Variants in FMO2 observed in about 807,000 individuals in gnomAD.
FMO2 encodes flavin containing dimethylaniline monoxygenase 2.
Under a neutral mutation model 41.6 loss-of-function variants are expected in FMO2, and 33 were observed. The observed-to-expected ratio is 0.79, with a 90% CI of 0.60 to 1.06. The LOEUF (loss-of-function observed/expected upper bound fraction) is 1.06. Ranked by LOEUF, FMO2 falls within the 50% of genes least tolerant of loss-of-function variation. The probability of loss-of-function intolerance (pLI) is 0.00; values close to 1 mark genes in which losing one functional copy is unlikely to be tolerated. For missense variants in FMO2, 619 were observed against 632.9 expected (o/e 0.98, Z 0.23); for synonymous variants, 214 against 219.6 (o/e 0.97, Z 0.23).
chr1:171,208,716 T>A (rs1298663743), intron 8 of FMO2, 78 bp from the exon 9 acceptor site: 1 of 1,323,942 alleles, frequency 7.6e-7, no homozygotes, highest in Non-Finnish European at 1.1e-6. Context: ...CTTCATTCCT[T>A]TAGCAGTTTT....
chr1:171,186,957 A>G (rs1657877789), intron 2 of FMO2, among the ~76,000 whole-genome samples: 1 of 152,218 alleles, frequency 6.6e-6, no homozygotes, highest in Non-Finnish European at 1.5e-5. Flanking sequence ...AAGGGAGATA[A>G]TTCATATAAA....
At chr1:171,205,222 G>C (rs554189594) in intron 6 of FMO2, 57 bp from the exon 7 acceptor site, 3 of 1,085,744 alleles carry the variant, frequency 2.8e-6, no homozygotes, top group Non-Finnish European at 4.0e-6. Context: ...ATATCAAGAG[G>C]GTTCAAGATT....
intron 2 of FMO2, among the ~76,000 whole-genome samples, chr1:171,190,203 C>T (rs1030128145): frequency 2.1e-4 from 32 of 152,108 alleles, no homozygotes; most frequent in African/African-American, 7.5e-4. Context: ...TTACTGTTTA[C>T]AACCTTTTTA....
rs28369914 is a variant in FMO2 at position 171,209,351 on chromosome 1, C to T, written c.*206C>T. 0.11 allele frequency: 41,677 copies of T among 379,884 alleles called. 2,795 individuals are homozygous for T. The highest frequency in any genetic ancestry group is 0.25 in the East Asian group (6,688 of 26,402). The allele number at this position is 379,884 out of a possible 1,614,324, so 23.5% of individuals were successfully genotyped here. On this transcript the variant is annotated 3_prime_UTR_variant, in exon 9 of 9. Transcript: ENST00000209929. ...TTTGTCATGAAATTTTGCCTTTCCA[C>T]GCTTCCCTCAGTTCACCAAAGTTAC...
At chr1:171,202,878 A>C (rs947286200) in intron 5 of FMO2, among the ~76,000 whole-genome samples, 2 of 152,188 alleles carry the variant, frequency 1.3e-5, no homozygotes, top group Admixed American at 6.5e-5. Context: ...GCATTTGGCC[A>C]ATGGGGGAGT....
At chr1:171,192,722 C>T (rs530878760) in intron 2 of FMO2, among the ~76,000 whole-genome samples, 2 of 146,688 alleles carry the variant, frequency 1.4e-5, no homozygotes, top group East Asian at 2.0e-4. Flanking sequence ...GCCAAGATCA[C>T]GCCACTGCAC....
chr1:171,194,633 C>T (rs1658229512), intron 3 of FMO2, among the ~76,000 whole-genome samples: 1 of 152,130 alleles, frequency 6.6e-6, no homozygotes, highest in African/African-American at 2.4e-5. Context: ...TGTTGATACC[C>T]ACCTGTGGTC....
chr1:171,192,923 C>A (rs1287311025), intron 2 of FMO2, among the ~76,000 whole-genome samples: 2 of 152,130 alleles, frequency 1.3e-5, no homozygotes, highest in Admixed American at 1.3e-4. Context: ...CTATTATGTT[C>A]TCTGCCCAGT....
In FMO2 at chr1:171,208,939, TG is replaced by T; in HGVS notation, c.1403del (p.Cys468SerfsTer29). 1 of 1,613,816 alleles carries T rather than the reference TG, an allele frequency of 6.2e-7. No individual in the cohort carries two copies. Among genetic ancestry groups the T allele is most frequent in the Non-Finnish European group, 8.5e-7 (1 of 1,179,782 alleles). ...KLAVRLYFGP[C>X]NSYQYRLVGP... ...GGCTGTGAGACTCTATTTCGGACCC[TG>T]CAACTCCTATCAGTATCGCCTGGTT... On this transcript the variant is annotated frameshift_variant, in exon 9 of 9. Transcript: ENST00000209929. LOFTEE classifies it low-confidence loss of function (END_TRUNC).
chr1:171,186,954 A>T (rs536143984), intron 2 of FMO2, among the ~76,000 whole-genome samples: 1 of 152,228 alleles, frequency 6.6e-6, no homozygotes, highest in Non-Finnish European at 1.5e-5. Context: ...ATTAAGGGAG[A>T]TAATTCATAT....
intron 4 of FMO2, among the ~76,000 whole-genome samples, chr1:171,197,743 G>T (rs192543923): frequency 4.6e-5 from 7 of 152,252 alleles, no homozygotes; most frequent in African/African-American, 1.7e-4. Context: ...TGGATTATTG[G>T]GTTACACAGG....
At chr1:171,199,198 A>G (rs918264362) in intron 4 of FMO2, 148 bp from the exon 5 acceptor site, 37 of 708,218 alleles carry the variant, frequency 5.2e-5, no homozygotes, top group Non-Finnish European at 7.1e-5. Context: ...TCTGGTACCT[A>G]AACTTTCTTA....
rs540226870 is a variant in FMO2 at position 171,196,376 on chromosome 1, A to C, written c.322-273A>C. Among the ~76,000 whole-genome samples the C allele has an allele frequency of 2.6e-5, 4 of 152,300 alleles. No individual in the cohort carries two copies. The South Asian group carries it at 8.3e-4, about 32-fold the overall frequency. ...GGTGGTTTTTGTAGTTTTTGTTATC[A>C]GGCACACATCATGAGAACCCGCTCT... On this transcript the variant is annotated intron_variant, in intron 3 of 8. Coordinates refer to ENST00000209929, the MANE Select transcript of FMO2 (RefSeq NM_001460.5).
Position 171,186,993 on chromosome 1 carries a change from A to G in FMO2, c.132+1148A>G, listed in dbSNP as rs1244151316. ...GAACTTAGATAAGTTCCGGACTCATAGAGTTCAATAAATGTTAGCTACTAA... is the reference window on the plus strand; with the variant it reads ...GAACTTAGATAAGTTCCGGACTCATGGAGTTCAATAAATGTTAGCTACTAA... On this transcript the variant is annotated intron_variant, in intron 2 of 8. Coordinates refer to ENST00000209929, the MANE Select transcript of FMO2 (RefSeq NM_001460.5). Among the ~76,000 whole-genome samples the G allele has an allele frequency of 2.0e-5, 3 of 152,228 alleles. 1 individual carries two copies. The East Asian group carries it at 5.8e-4, about 29-fold the overall frequency.
chr1:171,200,228 C>T (rs1658477848), intron 5 of FMO2, among the ~76,000 whole-genome samples: 1 of 152,132 alleles, frequency 6.6e-6, no homozygotes, highest in Non-Finnish European at 1.5e-5. Flanking sequence ...GCCTTCTAAC[C>T]ACTGTCTTCT....
intron 4 of FMO2, among the ~76,000 whole-genome samples, chr1:171,198,230 C>T (rs997488954): frequency 7.3e-5 from 11 of 150,618 alleles, no homozygotes; most frequent in African/African-American, 2.7e-4. Context: ...TGTGATTAAC[C>T]ACCAGCAAGT....
chr1:171,195,976 T>A (rs1258158721), intron 3 of FMO2, among the ~76,000 whole-genome samples: 1 of 152,186 alleles, frequency 6.6e-6, no homozygotes, highest in Non-Finnish European at 1.5e-5. Flanking sequence ...TAATACAAAG[T>A]CCACAAAGAG....
intron 5 of FMO2, among the ~76,000 whole-genome samples, chr1:171,203,311 C>A: frequency 7.0e-6 from 1 of 142,726 alleles, no homozygotes; most frequent in African/African-American, 2.7e-5. Context: ...AGTGACAGAG[C>A]AAGACCCTGT....
At chr1:171,191,877 A>T (rs1658096726) in intron 2 of FMO2, among the ~76,000 whole-genome samples, 2 of 150,946 alleles carry the variant, frequency 1.3e-5, no homozygotes, top group South Asian at 2.1e-4. Flanking sequence ...AAAAAAAAAA[A>T]AAATACAAAA....
Sources: allele counts gnomAD v4.1 joint callset (sites outside exome capture counted in the v4.1 genomes callset), GRCh38; gene constraint gnomAD v4.1.1; transcripts MANE v1.5; gene names NCBI Gene and HGNC (gene_info 2026-07-23, HGNC 2026-07-21).